Variants in CELF6 observed in about 807,000 individuals in gnomAD.
The protein encoded by CELF6 is CUGBP Elav-like family member 6, also known as Bruno -like 6, RNA binding protein.
Under a neutral mutation model 53.1 loss-of-function variants are expected in CELF6, and 32 were observed. That is an observed-to-expected ratio of 0.60 (90% confidence interval 0.46 to 0.81). The LOEUF is 0.81. Among genes scored for constraint, CELF6 ranks in the 30% least tolerant of loss-of-function variants. The probability of loss-of-function intolerance (pLI) is 0.00; values close to 1 mark genes in which losing one functional copy is unlikely to be tolerated. For missense variants in CELF6, 539 were observed against 669.5 expected (o/e 0.81, Z 2.15); for synonymous variants, 291 against 288.8 (o/e 1.01, Z -0.08).
At chr15:72,299,062 G>C (rs894297398) in intron 3 of CELF6, among the ~76,000 whole-genome samples, 3 of 151,760 alleles carry the variant, frequency 2.0e-5, no homozygotes, top group Non-Finnish European at 4.4e-5. Flanking sequence ...GCAAAAATTG[G>C]CAGGGTGCGG....
At chr15:72,305,877 C>A (rs1413446584) in intron 2 of CELF6, among the ~76,000 whole-genome samples, 3 of 146,974 alleles carry the variant, frequency 2.0e-5, no homozygotes, top group African/African-American at 7.8e-5. Context: ...TTTGCCCCAA[C>A]CTGATCCTCC....
At chr15:72,287,719 A>G (rs1198677308) in intron 11 of CELF6, among the ~76,000 whole-genome samples, 2 of 151,974 alleles carry the variant, frequency 1.3e-5, no homozygotes, top group African/African-American at 2.4e-5. Flanking sequence ...GTTGGAGGGG[A>G]TCTTTGGTCT....
At chr15:72,303,944 G>A (rs2008800) in intron 3 of CELF6, among the ~76,000 whole-genome samples, 225 of 151,790 alleles carry the variant, frequency 1.5e-3, no homozygotes, top group East Asian at 6.8e-3. Flanking sequence ...TACAACCTCC[G>A]CCTCCCAGGT....
At chr15:72,292,256 G>A in intron 3 of CELF6, 2 of 1,534,732 alleles carry the variant, frequency 1.3e-6, no homozygotes, top group Non-Finnish European at 8.7e-7. Context: ...AGATCATCCT[G>A]TTCAGGAGCC....
intron 3 of CELF6, among the ~76,000 whole-genome samples, chr15:72,296,723 T>C (rs2088083634): frequency 6.6e-6 from 1 of 152,088 alleles, no homozygotes; most frequent in African/African-American, 2.4e-5. Context: ...GTTAAGGAAA[T>C]GCAAATCAAA....
At chr15:72,314,477 C>A (rs559155305) in intron 2 of CELF6, among the ~76,000 whole-genome samples, 44 of 151,962 alleles carry the variant, frequency 2.9e-4, no homozygotes, top group Admixed American at 6.6e-4. Flanking sequence ...ACCCACTCCT[C>A]ATATCTAAAG....
At chr15:72,298,773 A>T (rs1293497157) in intron 3 of CELF6, among the ~76,000 whole-genome samples, 1 of 152,246 alleles carries the variant, frequency 6.6e-6, no homozygotes, top group Non-Finnish European at 1.5e-5. Context: ...TCCAAAGTAG[A>T]GAAAATATAA....
Position 72,286,037 on chromosome 15 carries a change from T to C in CELF6, c.*334A>G, listed in dbSNP as rs1392555819. 1 of 152,652 alleles carries C rather than the reference T, an allele frequency of 6.6e-6. No homozygotes were observed. Among genetic ancestry groups the C allele is most frequent in the Non-Finnish European group, 1.5e-5 (1 of 68,038 alleles). 9.5% of individuals were successfully genotyped at this position (152,652 alleles called of 1,614,324 possible). ...CAATAGTCCTTTGGTCCCTAAACTC[T>C]AAGGAATGATATGATTTTGAAAGAA... On this transcript the variant is annotated 3_prime_UTR_variant, in exon 13 of 13. Transcript: ENST00000287202.
chr15:72,316,044 T>G, intron 1 of CELF6, 117 bp from the exon 2 acceptor site: 1 of 650,930 alleles, frequency 1.5e-6, no homozygotes. Context: ...GGACTCTGCT[T>G]TCTGAGAAGC....
intron 2 of CELF6, chr15:72,306,119 C>T: frequency 1.0e-6 from 1 of 984,742 alleles, no homozygotes; most frequent in Non-Finnish European, 1.2e-6. Flanking sequence ...TGAGTGAATT[C>T]ATGATTGAAT....
Position 72,285,407 on chromosome 15 carries a change from A to G in CELF6, c.*964T>C, listed in dbSNP as rs564804287. ...TTTACAGGTGGGCAAACTTAGACTA[A>G]GAGACAGAAGGTAGCCTGGAGCAAG... On this transcript the variant is annotated 3_prime_UTR_variant, in exon 13 of 13. Coordinates refer to ENST00000287202, the MANE Select transcript of CELF6 (RefSeq NM_052840.5). The G allele has an allele frequency of 6.6e-6, 1 of 152,634 alleles. No homozygotes were observed. The highest frequency in any genetic ancestry group is 2.4e-5 in the African/African-American group (1 of 41,588). The allele number at this position is 152,634 out of a possible 1,614,324, so 9.5% of individuals were successfully genotyped here. A position where few individuals can be genotyped will look rare whatever the true frequency, so the allele number is the denominator to read the frequency against.
rs765816318 is a variant in CELF6 at position 72,289,091 on chromosome 15, G to A, written c.1030+47C>T. ...GCCAGGCCCTAACCCCCCACCCCCC[G>A]CTCCCCACTCCATTTCGGGGGGATT... is the stretch of plus-strand genomic sequence containing the variant. On this transcript the variant is annotated intron_variant, in intron 8 of 12. Coordinates refer to ENST00000287202, the MANE Select transcript of CELF6 (RefSeq NM_052840.5). The surrounding 1 kb of genome is among the most constrained non-coding windows in gnomAD (Gnocchi z 7.6). The A allele has an allele frequency of 9.8e-6, 14 of 1,422,858 alleles. No individual in the cohort carries two copies. The East Asian group carries it at 1.2e-4, about 12-fold the overall frequency. 88.1% of individuals were successfully genotyped at this position (1,422,858 alleles called of 1,614,324 possible).
intron 3 of CELF6, 86 bp downstream of exon 3, chr15:72,304,660 A>G (rs2088202839): frequency 1.1e-5 from 14 of 1,257,306 alleles, no homozygotes; most frequent in East Asian, 9.3e-5. Flanking sequence ...AGGCTCTCAT[A>G]CTAAATGGGT....
chr15:72,315,908 G>C lies in CELF6; in HGVS notation c.282C>G (p.Tyr94Ter). ...CCTTGAGAGCAGAGTCCCGGGCGCAGTAGGTGAGGAAGGCACAGCCTGAGG... is the reference window on the plus strand; with the variant it reads ...CCTTGAGAGCAGAGTCCCGGGCGCACTAGGTGAGGAAGGCACAGCCTGAGG... The part of the protein sequence containing the change: ...GLHKGCAFLT[Y>*]CARDSALKAQ... Residue 94 changes from tyrosine (Y) to a stop codon, truncating the protein, a stop_gained, in exon 2 of 13, where the codon TAC becomes TAG. Transcript: ENST00000287202. LOFTEE classifies it high-confidence loss of function. The C allele has an allele frequency of 6.2e-7, 1 of 1,608,078 alleles. No homozygotes were observed.
At chr15:72,315,961 T>C in intron 1 of CELF6, 34 bp from the exon 2 acceptor site, 3 of 1,409,850 alleles carry the variant, frequency 2.1e-6, no homozygotes, top group Non-Finnish European at 3.0e-6. Flanking sequence ...GGGGGTTTCC[T>C]GAAACCCCCA....
intron 3 of CELF6, among the ~76,000 whole-genome samples, chr15:72,300,108 G>A (rs929146643): frequency 6.6e-6 from 1 of 152,072 alleles, no homozygotes; most frequent in Non-Finnish European, 1.5e-5. Flanking sequence ...TAATCCCAAC[G>A]TTTTGGGAAG....
chr15:72,319,863 C>A lies in CELF6; in HGVS notation c.12G>T (p.Ala4=), dbSNP rs770220352. 3.7e-5 allele frequency: 55 copies of A among 1,506,264 alleles called. No homozygotes were observed. The South Asian group carries it at 6.0e-4, about 16-fold the overall frequency. 93.3% of individuals were successfully genotyped at this position (1,506,264 alleles called of 1,614,324 possible). A position where few individuals can be genotyped will look rare whatever the true frequency, so the allele number is the denominator to read the frequency against. Residue 4 remains alanine (A), a synonymous_variant, in exon 1 of 13, where the codon GCG becomes GCT. Transcript: ENST00000287202. The surrounding 1 kb of genome is among the most constrained non-coding windows in gnomAD (Gnocchi z 5.0). The part of the protein sequence containing the change: MAA[A]PGGSAQPAGP... Reference sequence around the variant, plus strand: ...CAGCGGGCTGCGCTGACCCTCCCGGCGCCGCGGCCATGTCCCCGCCCTGTC... The same window carrying A: ...CAGCGGGCTGCGCTGACCCTCCCGGAGCCGCGGCCATGTCCCCGCCCTGTC...
intron 2 of CELF6, among the ~76,000 whole-genome samples, chr15:72,313,095 C>CA: frequency 6.6e-6 from 1 of 152,248 alleles, no homozygotes. Context: ...AAGATGTCCC[C>CA]AGTCACCATT....
intron 2 of CELF6, among the ~76,000 whole-genome samples, chr15:72,312,071 G>A (rs2088304306): frequency 1.3e-5 from 2 of 152,190 alleles, no homozygotes; most frequent in African/African-American, 4.8e-5. Flanking sequence ...AACAAATAGG[G>A]AGGCACCTTA....
Sources: allele counts gnomAD v4.1 joint callset (sites outside exome capture counted in the v4.1 genomes callset), GRCh38; gene constraint gnomAD v4.1.1; non-coding constraint Gnocchi (gnomAD v3.1); transcripts MANE v1.5; gene names NCBI Gene and HGNC (gene_info 2026-07-23, HGNC 2026-07-21).